LRRC36: variants seen among roughly 807,000 people sequenced by gnomAD.
The protein encoded by LRRC36 is leucine-rich repeat-containing protein 36.
Under a neutral mutation model 81.1 loss-of-function variants are expected in LRRC36, and 62 were observed. That is an observed-to-expected ratio of 0.76 (90% CI 0.62 to 0.94). LRRC36 has a LOEUF of 0.94. Ranked by LOEUF, LRRC36 falls within the 40% of genes least tolerant of loss-of-function variation. The probability of loss-of-function intolerance (pLI) is 0.00; values close to 1 mark genes in which losing one functional copy is unlikely to be tolerated. For missense variants in LRRC36, 761 were observed against 881.7 expected, an observed-to-expected ratio of 0.86 and a Z score of 1.73; for synonymous variants, 334 against 348.6, an observed-to-expected ratio of 0.96 and a Z score of 0.47.
chr16:67,376,663 G>C, intron 10 of LRRC36, 64 bp from the exon 11 acceptor site: 1 of 1,533,204 alleles, frequency 6.5e-7, no homozygotes. Context: ...GGTAGTTACT[G>C]ACTAGGAATG....
chr16:67,373,451 T>C (rs770480484), intron 9 of LRRC36, among the ~76,000 whole-genome samples: 7 of 152,036 alleles, frequency 4.6e-5, no homozygotes, highest in Admixed American at 1.3e-4. Flanking sequence ...CTCACACCTG[T>C]AATCCCAGCA....
chr16:67,332,279 C>A (rs2037530287), intron 1 of LRRC36, among the ~76,000 whole-genome samples: 1 of 151,708 alleles, frequency 6.6e-6, no homozygotes, highest in Non-Finnish European at 1.5e-5. Flanking sequence ...AACGGCCAGG[C>A]GCGGTGGCTT....
At chr16:67,383,418 C>T (rs2040186548) in intron 13 of LRRC36, among the ~76,000 whole-genome samples, 1 of 152,140 alleles carries the variant, frequency 6.6e-6, no homozygotes, top group Non-Finnish European at 1.5e-5. Context: ...TTGGGTATGC[C>T]TCCAAATTAA....
At chr16:67,378,480 A>T (rs2039993533) in intron 11 of LRRC36, 109 bp from the exon 12 acceptor site, 1 of 944,740 alleles carries the variant, frequency 1.1e-6, no homozygotes, top group Admixed American at 2.3e-5. Context: ...GCTCAGGCAA[A>T]CCATCCACCT....
At chr16:67,351,461 CT>C (rs1403193647) in intron 5 of LRRC36, among the ~76,000 whole-genome samples, 1 of 152,156 alleles carries the variant, frequency 6.6e-6, no homozygotes, top group East Asian at 1.9e-4. Context: ...AATCTCAGCA[CT>C]TTGGGAGGCT....
intron 2 of LRRC36, 117 bp from the exon 3 acceptor site, chr16:67,346,139 C>T: frequency 3.1e-6 from 2 of 650,910 alleles, no homozygotes; most frequent in Middle Eastern, 4.1e-4. Flanking sequence ...CTGCCTTTCT[C>T]ACGGGGACTT....
At chr16:67,359,377 A>C (rs962104220) in intron 5 of LRRC36, among the ~76,000 whole-genome samples, 2 of 152,382 alleles carry the variant, frequency 1.3e-5, no homozygotes, top group Admixed American at 6.5e-5. Context: ...GAAGCCAGAC[A>C]AAAAGGTCAT....
intron 2 of LRRC36, 131 bp from the exon 3 acceptor site, chr16:67,346,125 A>C (rs1046215290): frequency 1.7e-6 from 1 of 573,484 alleles, no homozygotes. Flanking sequence ...TGAGAGTTCC[A>C]GCCCTGCCTT....
intron 1 of LRRC36, among the ~76,000 whole-genome samples, chr16:67,339,516 A>AT (rs2037927965): frequency 2.6e-5 from 4 of 152,218 alleles, no homozygotes. Flanking sequence ...TTTTAAAAAA[A>AT]TAATAACCTC....
At position 67,357,634 on chromosome 16, in the gene LRRC36, G is replaced by A. The variant is rs528587298; in HGVS notation, c.578-5956G>A. ...TTGTACCCCTGCCTAGCTCTGTCAC[G>A]GGGAGTGAACTGTCCTTGGAAGAGA... is the stretch of plus-strand genomic sequence containing the variant. On this transcript the variant is annotated intron_variant, in intron 5 of 13. Transcript: ENST00000329956. Among the ~76,000 whole-genome samples, 106 of 152,296 alleles carry A rather than the reference G, an allele frequency of 7.0e-4. 2 individuals carry two copies. The highest frequency in any genetic ancestry group is 7.2e-4 in the Admixed American group (11 of 15,296).
chr16:67,362,586 G>A (rs2039205100), intron 5 of LRRC36, among the ~76,000 whole-genome samples: 1 of 152,150 alleles, frequency 6.6e-6, no homozygotes, highest in Admixed American at 6.5e-5. Context: ...AGCAGGGGAT[G>A]ATACTTCCAC....
chr16:67,378,758 G>A, intron 12 of LRRC36, 46 bp downstream of exon 12: 2 of 1,601,496 alleles, frequency 1.2e-6, no homozygotes, highest in Non-Finnish European at 1.7e-6. Context: ...CAAGACAACT[G>A]TTTGTTTATA....
intron 2 of LRRC36, among the ~76,000 whole-genome samples, chr16:67,345,589 A>T (rs1296432714): frequency 6.6e-6 from 1 of 152,136 alleles, no homozygotes; most frequent in Non-Finnish European, 1.5e-5. Flanking sequence ...GAACTGACTG[A>T]TTGATTAAAT....
At chr16:67,346,472 T>G in intron 3 of LRRC36, 24 bp downstream of exon 3, 2 of 1,495,342 alleles carry the variant, frequency 1.3e-6, no homozygotes. Context: ...TCTCTGTTCC[T>G]GTCCACAGAA....
Position 67,380,896 on chromosome 16 carries a change from T to C in LRRC36, c.1931-1237T>C, listed in dbSNP as rs1000261454. Among the ~76,000 whole-genome samples the C allele has an allele frequency of 4.6e-5, 7 of 152,174 alleles. No individual in the cohort carries two copies. In the East Asian group the frequency reaches 9.6e-4, roughly 21 times the overall value. On this transcript the variant is annotated intron_variant, in intron 12 of 13. Transcript: ENST00000329956. ...CTCAGACCTACTGCATTAAAATCTA[T>C]TTTTAGCAAGATCCCCAGGTGATTT...
chr16:67,367,236 CT>C lies in LRRC36; in HGVS notation c.976del (p.Ser326GlnfsTer37). The C allele has an allele frequency of 6.2e-7, 1 of 1,614,172 alleles. No individual in the cohort carries two copies. Among genetic ancestry groups the C allele is most frequent in the Non-Finnish European group, 8.5e-7 (1 of 1,180,006 alleles). ...DSSQIHPYQL[P>X]SDVGLENYDS... is the part of the protein sequence containing the mutation. Reference sequence around the variant, plus strand: ...AGCCAGATCCATCCCTATCAGTTACCTTCAGATGTTGGTCTGGAAAATTATG... The same window carrying C: ...AGCCAGATCCATCCCTATCAGTTACCTCAGATGTTGGTCTGGAAAATTATG... On this transcript the variant is annotated frameshift_variant, in exon 8 of 14. Transcript: ENST00000329956. LOFTEE classifies it high-confidence loss of function.
At position 67,341,918 on chromosome 16, in the gene LRRC36, G is replaced by A. The variant is rs369602062; in HGVS notation, c.71-39G>A. ...TTCACTGACTCTGCTGTTGATCCGA[G>A]CAGGGATCATAATATATCTACTGAT... On this transcript the variant is annotated intron_variant, in intron 1 of 13. Coordinates refer to ENST00000329956, the MANE Select transcript of LRRC36 (RefSeq NM_018296.6). 5 of 1,573,416 alleles carry A rather than the reference G, an allele frequency of 3.2e-6. No individual in the cohort carries two copies. In the African/African-American group the frequency reaches 5.4e-5, roughly 17 times the overall value.
chr16:67,327,048 G>A, intron 1 of LRRC36, 116 bp downstream of exon 1: 2 of 980,050 alleles, frequency 2.0e-6, no homozygotes, highest in Non-Finnish European at 2.8e-6. Context: ...CAGAGAAGCG[G>A]TACCTGAGGC....
intron 1 of LRRC36, among the ~76,000 whole-genome samples, chr16:67,333,132 G>GTATT (rs941640196): frequency 2.0e-5 from 3 of 151,710 alleles, no homozygotes; most frequent in African/African-American, 7.3e-5. Context: ...CACCGTTTTA[G>GTATT]TATTTATTTA....
Sources: gnomAD v4.1 joint callset for allele counts (sites outside exome capture counted in the v4.1 genomes callset) on GRCh38, gnomAD v4.1.1 for gene constraint, MANE v1.5 for transcripts, NCBI Gene and HGNC (gene_info 2026-07-23, HGNC 2026-07-21) for gene names.